Variants in LARGE1 observed in about 807,000 individuals in gnomAD.
LARGE1 encodes the protein LARGE xylosyl- and glucuronyltransferase 1.
In LARGE1, 43 loss-of-function variants were observed where a neutral mutation model predicts 87.6. The observed-to-expected ratio is 0.49, with a 90% CI of 0.38 to 0.63. LARGE1 has a LOEUF of 0.63. Ranked by LOEUF, LARGE1 falls within the 30% of genes least tolerant of loss-of-function variation. The pLI is 0.00. For missense variants in LARGE1, 802 were observed against 1,000.2 expected, an observed-to-expected ratio of 0.80 and a Z score of 2.67; for synonymous variants, 434 against 394.6, an observed-to-expected ratio of 1.10 and a Z score of -1.18.
At chr22:33,101,604 T>G in the LARGE1 span, among the ~76,000 whole-genome samples, 2 of 152,186 alleles carry the variant, frequency 1.3e-5, no homozygotes, top group Non-Finnish European at 2.9e-5. Context: ...TCTTTGGGAA[T>G]GAGATTCTAA....
chr22:33,542,162 CAA>C (rs150998193), intron 6 of LARGE1, among the ~76,000 whole-genome samples: 61 of 92,674 alleles, frequency 6.6e-4, no homozygotes, highest in African/African-American at 1.6e-3. Context: ...AACTCTGTCT[CAA>C]AAAAAAAAAA....
At chr22:33,583,719 C>A (rs1412413279) in intron 5 of LARGE1, among the ~76,000 whole-genome samples, 1 of 152,018 alleles carries the variant, frequency 6.6e-6, no homozygotes, top group Non-Finnish European at 1.5e-5. Context: ...ACAGTTGGGT[C>A]CCCCCCATCC....
chr22:33,408,695 CTTT>C (rs572399860), intron 7 of LARGE1, among the ~76,000 whole-genome samples: 17 of 136,032 alleles, frequency 1.2e-4, no homozygotes, highest in Middle Eastern at 3.9e-3. Context: ...ATAGACTTGT[CTTT>C]TTTTTTTTTT....
intron 1 of LARGE1, among the ~76,000 whole-genome samples, chr22:33,855,911 A>C (rs1284281260): frequency 6.6e-6 from 1 of 152,176 alleles, no homozygotes; most frequent in Non-Finnish European, 1.5e-5. Flanking sequence ...CTTTTTATTA[A>C]GACAAAGAAA....
At position 33,447,479 on chromosome 22, in the gene LARGE1, C is replaced by T. The variant is rs141199276; in HGVS notation, c.788-15214G>A. ...GTCTCCCCTGTGATCCACATAAGGG[C>T]TTGAGCCCGGAAGGAAGGGGCACAG... On this transcript the variant is annotated intron_variant, in intron 6 of 14. Coordinates refer to ENST00000397394, the MANE Select transcript of LARGE1 (RefSeq NM_133642.5). Among the ~76,000 whole-genome samples the T allele has an allele frequency of 7.2e-5, 11 of 152,300 alleles. No individual in the cohort carries two copies. In the East Asian group the frequency reaches 2.1e-3, roughly 30 times the overall value.
At chr22:33,239,168 C>T (rs1042360184) in intron 11 of LARGE1, among the ~76,000 whole-genome samples, 3 of 151,378 alleles carry the variant, frequency 2.0e-5, no homozygotes, top group Admixed American at 1.3e-4. Context: ...GAATACTATG[C>T]TAAACATTAT....
chr22:33,307,360 G>C (rs1251460172), intron 11 of LARGE1, among the ~76,000 whole-genome samples: 2 of 152,252 alleles, frequency 1.3e-5, no homozygotes, highest in South Asian at 4.2e-4. Context: ...CCCAAAGCCC[G>C]GATCCAGGTC....
chr22:33,575,628 A>G (rs1200520971), intron 5 of LARGE1, among the ~76,000 whole-genome samples: 2 of 152,230 alleles, frequency 1.3e-5, no homozygotes, highest in Non-Finnish European at 2.9e-5. Context: ...ATCTCCCGTA[A>G]GCATCAATGA....
At chr22:33,354,935 T>C (rs8136349) in intron 9 of LARGE1, among the ~76,000 whole-genome samples, 46,626 of 152,140 alleles carry the variant, frequency 0.31, 7,969 homozygotes, top group East Asian at 0.59. Context: ...TGAATACTTA[T>C]GTTTTTCATA....
At chr22:33,350,027 G>C (rs1397140213) in intron 9 of LARGE1, among the ~76,000 whole-genome samples, 1 of 152,104 alleles carries the variant, frequency 6.6e-6, no homozygotes, top group African/African-American at 2.4e-5. Context: ...TCTGTTCTCT[G>C]TAACATTTCT....
At chr22:33,531,219 G>A (rs193301158) in intron 6 of LARGE1, among the ~76,000 whole-genome samples, 53 of 152,230 alleles carry the variant, frequency 3.5e-4, no homozygotes, top group African/African-American at 6.7e-4. Context: ...GTGCAATGGC[G>A]CGATCTCGGC....
intron 11 of LARGE1, among the ~76,000 whole-genome samples, chr22:33,195,732 A>C (rs534488650): frequency 6.8e-6 from 1 of 147,870 alleles, no homozygotes; most frequent in South Asian, 2.2e-4. Flanking sequence ...GTAGTGCCTA[A>C]AATTAATTTC....
intron 1 of LARGE1, among the ~76,000 whole-genome samples, chr22:33,824,326 C>T (rs2062720382): frequency 6.6e-6 from 1 of 152,176 alleles, no homozygotes; most frequent in Non-Finnish European, 1.5e-5. Flanking sequence ...AACTTACAAT[C>T]ATGGCAGAAG....
At chr22:33,486,608 G>A (rs1424955955) in intron 6 of LARGE1, among the ~76,000 whole-genome samples, 1 of 152,130 alleles carries the variant, frequency 6.6e-6, no homozygotes, top group Non-Finnish European at 1.5e-5. Context: ...CAACTTCAGA[G>A]AGAAAGAGAA....
chr22:33,718,618 T>C (rs1601406304), intron 2 of LARGE1, among the ~76,000 whole-genome samples: 1 of 152,336 alleles, frequency 6.6e-6, no homozygotes, highest in East Asian at 1.9e-4. Flanking sequence ...TCCACAGTTA[T>C]TTTATGGTGA....
At chr22:33,249,032 T>C (rs1568989320) in intron 11 of LARGE1, among the ~76,000 whole-genome samples, 1 of 152,228 alleles carries the variant, frequency 6.6e-6, no homozygotes, top group Non-Finnish European at 1.5e-5. Context: ...CATGTAGGTT[T>C]TCGTGTGGAC....
chr22:33,771,540 A>G (rs1204349345), intron 1 of LARGE1, among the ~76,000 whole-genome samples: 2 of 152,086 alleles, frequency 1.3e-5, no homozygotes, highest in Non-Finnish European at 2.9e-5. Flanking sequence ...TCCTTCCTGA[A>G]TGATAAATTT....
intron 9 of LARGE1, among the ~76,000 whole-genome samples, chr22:33,362,862 G>A (rs2146911946): frequency 6.7e-6 from 1 of 149,812 alleles, no homozygotes; most frequent in East Asian, 1.9e-4. Flanking sequence ...TCCTCCAATT[G>A]TTTTGGAAGA....
chr22:33,131,360 G>A, the LARGE1 span, among the ~76,000 whole-genome samples: 1 of 151,834 alleles, frequency 6.6e-6, no homozygotes, highest in African/African-American at 2.4e-5. Context: ...TTTTTTAATG[G>A]CCCTTTTCTG....
Sources: gnomAD v4.1 joint callset for allele counts (sites outside exome capture counted in the v4.1 genomes callset) on GRCh38, gnomAD v4.1.1 for gene constraint, MANE v1.5 for transcripts, NCBI Gene and HGNC (gene_info 2026-07-23, HGNC 2026-07-21) for gene names.